Variants in RGS6 observed in about 807,000 individuals in gnomAD.
RGS6 encodes regulator of G protein signaling 6.
RGS6 carries 30 observed loss-of-function variants against 78.5 expected under a neutral mutation model. The observed-to-expected ratio is 0.38, with a 90% CI of 0.29 to 0.52. The LOEUF (loss-of-function observed/expected upper bound fraction) is 0.52. Among genes scored for constraint, RGS6 ranks in the 20% least tolerant of loss-of-function variants. The pLI, the probability that RGS6 is intolerant of heterozygous loss-of-function variation, is 0.85. For missense variants in RGS6, 495 were observed against 609.7 expected (o/e 0.81, Z 1.98); for synonymous variants, 206 against 206.0 (o/e 1.00, Z 0.00).
At chr14:72,338,036 G>T (rs865946069) in intron 2 of RGS6, among the ~76,000 whole-genome samples, 1 of 152,206 alleles carries the variant, frequency 6.6e-6, no homozygotes, top group East Asian at 1.9e-4. Flanking sequence ...AAACACCTTT[G>T]CCTGAGCCTG....
intron 2 of RGS6, among the ~76,000 whole-genome samples, chr14:72,303,590 G>A (rs189361934): frequency 1.3e-5 from 2 of 152,010 alleles, no homozygotes; most frequent in Non-Finnish European, 2.9e-5. Context: ...TTCAATAAAG[G>A]CATTTTTAAG....
chr14:71,881,000 T>C, the RGS6 span, among the ~76,000 whole-genome samples: 1 of 152,238 alleles, frequency 6.6e-6, no homozygotes, highest in Non-Finnish European at 1.5e-5. Context: ...AGCCCAAGAC[T>C]GTGGGAGCCC....
At chr14:72,136,053 C>T (rs1002795047) in intron 2 of RGS6, among the ~76,000 whole-genome samples, 1 of 152,176 alleles carries the variant, frequency 6.6e-6, no homozygotes, top group Non-Finnish European at 1.5e-5. Flanking sequence ...TGACAGTTAT[C>T]ATTTTCCTTG....
intron 2 of RGS6, among the ~76,000 whole-genome samples, chr14:72,180,746 G>T (rs906211520): frequency 6.6e-6 from 1 of 152,174 alleles, no homozygotes; most frequent in South Asian, 2.1e-4. Context: ...TTGAATCGAT[G>T]CTGTTATCAT....
At chr14:71,901,616 C>A in the RGS6 span, among the ~76,000 whole-genome samples, 1 of 152,060 alleles carries the variant, frequency 6.6e-6, no homozygotes, top group Admixed American at 6.6e-5. Flanking sequence ...GAATGGCTCC[C>A]CGTTGACATC....
chr14:72,459,712 A>G, intron 6 of RGS6, 29 bp downstream of exon 6: 1 of 1,610,598 alleles, frequency 6.2e-7, no homozygotes, highest in South Asian at 1.1e-5. Flanking sequence ...GGGAACTCTC[A>G]ACTTCAACAC....
At chr14:71,911,111 CAA>C in the RGS6 span, among the ~76,000 whole-genome samples, 2 of 152,142 alleles carry the variant, frequency 1.3e-5, no homozygotes, top group Non-Finnish European at 2.9e-5. Flanking sequence ...GTGTAAAAAG[CAA>C]AGTCAACAGT....
chr14:72,290,758 A>G (rs184064019), intron 2 of RGS6, among the ~76,000 whole-genome samples: 4 of 152,312 alleles, frequency 2.6e-5, no homozygotes, highest in Non-Finnish European at 5.9e-5. Flanking sequence ...ATTTGCACCT[A>G]TGTTAGCAGA....
At chr14:72,140,889 G>C (rs1324163888) in intron 2 of RGS6, among the ~76,000 whole-genome samples, 1 of 152,226 alleles carries the variant, frequency 6.6e-6, no homozygotes, top group Non-Finnish European at 1.5e-5. Flanking sequence ...TCATTCATAA[G>C]CTTGGACTTG....
intron 4 of RGS6, among the ~76,000 whole-genome samples, chr14:72,455,846 T>G (rs2095616434): frequency 6.6e-6 from 1 of 152,238 alleles, no homozygotes; most frequent in Non-Finnish European, 1.5e-5. Flanking sequence ...GTATTTCTTG[T>G]GATTATAATG....
chr14:72,468,449 A>G (rs996176164), intron 7 of RGS6, among the ~76,000 whole-genome samples: 3 of 152,144 alleles, frequency 2.0e-5, no homozygotes, highest in Non-Finnish European at 4.4e-5. Context: ...ATTCAAAACC[A>G]AAAAAGCATT....
At chr14:72,277,546 G>A (rs12883470) in intron 2 of RGS6, among the ~76,000 whole-genome samples, 9,055 of 151,866 alleles carry the variant, frequency 0.06, 432 homozygotes, top group East Asian at 0.29. Context: ...GCAGTGAGCC[G>A]AGATAGCACC....
intron 2 of RGS6, among the ~76,000 whole-genome samples, chr14:72,104,328 T>C (rs2153531756): frequency 6.6e-6 from 1 of 152,378 alleles, no homozygotes; most frequent in South Asian, 2.1e-4. Context: ...CTTTGAGTGA[T>C]ATATTTCCCT....
At chr14:72,140,688 C>A (rs2096527525) in intron 2 of RGS6, among the ~76,000 whole-genome samples, 1 of 152,174 alleles carries the variant, frequency 6.6e-6, no homozygotes, top group African/African-American at 2.4e-5. Flanking sequence ...GGTACATTAG[C>A]CAGTATGGAG....
intron 2 of RGS6, among the ~76,000 whole-genome samples, chr14:71,972,699 G>C (rs974375822): frequency 6.6e-6 from 1 of 152,044 alleles, no homozygotes; most frequent in Non-Finnish European, 1.5e-5. Context: ...GAGGTAGGAG[G>C]ACAGTTTAGA....
intron 13 of RGS6, among the ~76,000 whole-genome samples, chr14:72,506,875 A>G (rs1367788302): frequency 2.0e-5 from 3 of 151,668 alleles, no homozygotes; most frequent in Admixed American, 2.0e-4. Flanking sequence ...CAGGCTGGGC[A>G]TAGTGGCTCA....
intron 2 of RGS6, among the ~76,000 whole-genome samples, chr14:72,134,269 C>CCCA (rs1328460381): frequency 2.6e-5 from 4 of 152,090 alleles, no homozygotes; most frequent in Non-Finnish European, 5.9e-5. Context: ...ATATACACAC[C>CCCA]CCACATTCAC....
chr14:72,380,209 T>G (rs945242485), intron 3 of RGS6, among the ~76,000 whole-genome samples: 2 of 151,968 alleles, frequency 1.3e-5, no homozygotes, highest in African/African-American at 4.8e-5. Flanking sequence ...TCTGAAAATA[T>G]AAAACTAGTA....
At chr14:72,184,369 A>AACACACACACACACACACACACACAC (rs10638767) in intron 2 of RGS6, among the ~76,000 whole-genome samples, 3 of 141,284 alleles carry the variant, frequency 2.1e-5, no homozygotes, top group African/African-American at 8.0e-5. Context: ...TTTACTTTCA[A>AACACACACACACACACACACACACAC]ACACACACAC....
Sources: gnomAD v4.1 joint callset for allele counts (sites outside exome capture counted in the v4.1 genomes callset) on GRCh38, gnomAD v4.1.1 for gene constraint, MANE v1.5 for transcripts, NCBI Gene and HGNC (gene_info 2026-07-23, HGNC 2026-07-21) for gene names.